Variants in ASH1L observed in about 807,000 individuals in gnomAD.
The protein encoded by ASH1L is ASH1 like histone lysine methyltransferase.
ASH1L carries 23 observed loss-of-function variants against 269.0 expected under a neutral mutation model. That is an observed-to-expected ratio of 0.09 (90% CI 0.06 to 0.12). The LOEUF (loss-of-function observed/expected upper bound fraction) is 0.12, where lower values mean the gene tolerates loss of function less well. Among genes scored for constraint, ASH1L ranks in the 10% least tolerant of loss-of-function variants. ASH1L has a pLI of 1.00. For synonymous variants in ASH1L, 1,187 were observed against 1,253.5 expected (o/e 0.95, Z 1.12); for missense variants, 2,912 against 3,567.8 (o/e 0.82, Z 4.68).
At chr1:155,534,097 C>A (rs559416869) in intron 1 of ASH1L, among the ~76,000 whole-genome samples, 17 of 149,458 alleles carry the variant, frequency 1.1e-4, no homozygotes, top group Non-Finnish European at 1.9e-4. Flanking sequence ...GCTGCTTGAG[C>A]CCAGAAGGTC....
intron 2 of ASH1L, among the ~76,000 whole-genome samples, chr1:155,517,958 G>A (rs1243472407): frequency 6.6e-6 from 1 of 151,046 alleles, no homozygotes; most frequent in Non-Finnish European, 1.5e-5. Flanking sequence ...CCGCCACTAC[G>A]CCCGGCTAAT....
At chr1:155,405,129 G>A (rs904085713) in intron 6 of ASH1L, among the ~76,000 whole-genome samples, 1 of 150,902 alleles carries the variant, frequency 6.6e-6, no homozygotes, top group East Asian at 1.9e-4. Flanking sequence ...AAAATTCTTG[G>A]GAACAAGATT....
chr1:155,512,639 A>G lies in ASH1L; in HGVS notation c.420+8461T>C, dbSNP rs999662676. 4.0e-5 allele frequency among the ~76,000 whole-genome samples: 6 copies of G among 151,486 alleles called. No individual in the cohort carries two copies. In the East Asian group the frequency reaches 1.0e-3, roughly 26 times the overall value. ...GCTAATTTTTGTATTTTTAGTAGAG[A>G]TGGGGTTTCACCATATTGTTCAGGC... On this transcript the variant is annotated intron_variant, in intron 2 of 27. Transcript: ENST00000392403.
At chr1:155,486,201 C>T (rs1197092003) in intron 2 of ASH1L, among the ~76,000 whole-genome samples, 2 of 152,100 alleles carry the variant, frequency 1.3e-5, no homozygotes, top group African/African-American at 2.4e-5. Flanking sequence ...TTACATGTGG[C>T]ACCTTTAAAT....
chr1:155,362,036 T>C (rs1655002305), intron 12 of ASH1L, among the ~76,000 whole-genome samples: 1 of 152,034 alleles, frequency 6.6e-6, no homozygotes. Flanking sequence ...TTTTAGGTGT[T>C]TTTTTGTTTA....
In ASH1L at chr1:155,480,950, A is replaced by G. The variant is rs1367968849; in HGVS notation, c.1920T>C (p.His640=). Residue 640 remains histidine (H), a synonymous_variant, in exon 3 of 28, where the codon CAT becomes CAC. Transcript: ENST00000392403. ...AAGAGCTTATTCTTGGAATATCTAT[A>G]TGGGTAGTTTTTGAATCATTTACCT... ...DKEVNDSKTT[H]IDIPRISSSL... 1 of 1,614,056 alleles carries G rather than the reference A, an allele frequency of 6.2e-7. No homozygotes were observed. Among genetic ancestry groups the G allele is most frequent in the Non-Finnish European group, 8.5e-7 (1 of 1,179,962 alleles).
At chr1:155,542,484 G>A (rs1056807301) in intron 1 of ASH1L, among the ~76,000 whole-genome samples, 3 of 151,754 alleles carry the variant, frequency 2.0e-5, no homozygotes, top group Non-Finnish European at 2.9e-5. Flanking sequence ...GAGAGGTGGA[G>A]CTTGCAGTGA....
chr1:155,554,479 TC>T (rs1393504886), intron 1 of ASH1L, among the ~76,000 whole-genome samples: 1 of 151,776 alleles, frequency 6.6e-6, no homozygotes, highest in Non-Finnish European at 1.5e-5. Flanking sequence ...TCCATGTTGG[TC>T]AGGCTGGTCT....
chr1:155,503,274 T>C (rs1479721944), intron 2 of ASH1L, among the ~76,000 whole-genome samples: 6 of 152,194 alleles, frequency 3.9e-5, no homozygotes, highest in Admixed American at 3.9e-4. Context: ...AGTAATTCAA[T>C]GTAGCTTCAC....
intron 4 of ASH1L, among the ~76,000 whole-genome samples, chr1:155,440,025 T>C (rs1662420957): frequency 6.6e-6 from 1 of 152,060 alleles, no homozygotes; most frequent in Non-Finnish European, 1.5e-5. Flanking sequence ...TTAAACATTT[T>C]CAGGCCAGGA....
At position 155,457,300 on chromosome 1, in the gene ASH1L, GA is replaced by G. The variant is rs797007623; in HGVS notation, c.5086+2496del. ...CAATGAAGTTCCAACTCCTCTGAAT[GA>G]AAAAAACATACCATATATGATATAG... On this transcript the variant is annotated intron_variant, in intron 4 of 27. Transcript: ENST00000392403. Among the ~76,000 whole-genome samples the G allele has an allele frequency of 3.9e-5, 6 of 152,120 alleles. No individual in the cohort carries two copies. In the East Asian group the frequency reaches 1.2e-3, roughly 29 times the overall value.
intron 5 of ASH1L, among the ~76,000 whole-genome samples, chr1:155,424,169 T>C (rs1252645527): frequency 1.3e-5 from 2 of 152,164 alleles, no homozygotes; most frequent in East Asian, 3.9e-4. Flanking sequence ...TGGCACTTCA[T>C]ATAGGTCTCA....
chr1:155,435,289 A>C (rs536084170), intron 5 of ASH1L, among the ~76,000 whole-genome samples: 1 of 152,376 alleles, frequency 6.6e-6, no homozygotes, highest in East Asian at 1.9e-4. Flanking sequence ...TCAGTATTAC[A>C]TAAGTGACAT....
chr1:155,471,670 C>G (rs1570914137), intron 3 of ASH1L, among the ~76,000 whole-genome samples: 1 of 152,218 alleles, frequency 6.6e-6, no homozygotes, highest in Non-Finnish European at 1.5e-5. Flanking sequence ...GATCTGCATC[C>G]TTTGTAACAA....
At chr1:155,365,372 ATTTTTTTTTTTT>A (rs142145021) in intron 12 of ASH1L, among the ~76,000 whole-genome samples, 3 of 124,242 alleles carry the variant, frequency 2.4e-5, no homozygotes, top group Non-Finnish European at 3.3e-5. Context: ...TGCCCGGCTG[ATTTTTTTTTTTT>A]TTTTTTTTTT....
At chr1:155,406,062 G>C (rs1326831415) in intron 6 of ASH1L, among the ~76,000 whole-genome samples, 1 of 151,558 alleles carries the variant, frequency 6.6e-6, no homozygotes, top group African/African-American at 2.4e-5. Flanking sequence ...AAAGTAGATG[G>C]GCATGGTAGC....
At chr1:155,411,878 T>G (rs572935979) in intron 6 of ASH1L, among the ~76,000 whole-genome samples, 3 of 151,606 alleles carry the variant, frequency 2.0e-5, no homozygotes, top group Admixed American at 6.6e-5. Flanking sequence ...ATGCTGGGTT[T>G]ACATCCTCTA....
At chr1:155,525,912 T>G (rs1366899908) in intron 1 of ASH1L, among the ~76,000 whole-genome samples, 1 of 152,164 alleles carries the variant, frequency 6.6e-6, no homozygotes, top group Non-Finnish European at 1.5e-5. Context: ...CCTGTATACT[T>G]GAAATCATCT....
intron 4 of ASH1L, among the ~76,000 whole-genome samples, chr1:155,459,301 T>C (rs1354133714): frequency 2.0e-5 from 3 of 152,066 alleles, no homozygotes; most frequent in Non-Finnish European, 4.4e-5. Context: ...GTTCAAGAGA[T>C]TCTCCTGCCT....
Sources: gnomAD v4.1 joint callset for allele counts (sites outside exome capture counted in the v4.1 genomes callset) on GRCh38, gnomAD v4.1.1 for gene constraint, MANE v1.5 for transcripts, NCBI Gene and HGNC (gene_info 2026-07-23, HGNC 2026-07-21) for gene names.